Variants in CDH10 observed in about 807,000 individuals in gnomAD.
CDH10 encodes cadherin 10.
In CDH10, 30 loss-of-function variants were observed where a neutral mutation model predicts 73.1. That is an observed-to-expected ratio of 0.41 (90% confidence interval 0.31 to 0.56). CDH10 has a LOEUF of 0.56. Among genes scored for constraint, CDH10 ranks in the 20% least tolerant of loss-of-function variants. The pLI is 0.27. For missense variants in CDH10, 815 were observed against 973.7 expected, an observed-to-expected ratio of 0.84 and a Z score of 2.17; for synonymous variants, 345 against 348.2, an observed-to-expected ratio of 0.99 and a Z score of 0.10.
intron 8 of CDH10, among the ~76,000 whole-genome samples, chr5:24,499,688 G>A (rs1293213862): frequency 3.1e-4 from 45 of 147,488 alleles, no homozygotes; most frequent in Non-Finnish European, 3.1e-4. Flanking sequence ...TTCCATCTCA[G>A]AAAAAAAAAA....
rs16893511 is a variant in CDH10 at position 24,559,753 on chromosome 5, A to G, written c.232-22079T>C. The stretch of plus-strand genomic sequence containing the variant: ...TTTGAAAGAAAAGGCCAAGTTTCAT[A>G]CAAAGTAAATGTTAAAGTCTAGTTC... On this transcript the variant is annotated intron_variant, in intron 2 of 11. Coordinates refer to ENST00000264463, the MANE Select transcript of CDH10 (RefSeq NM_006727.5). 0.011 allele frequency among the ~76,000 whole-genome samples: 1,674 copies of G among 152,230 alleles called. 193 individuals carry two copies. In the East Asian group the frequency reaches 0.25, roughly 23 times the overall value.
At chr5:24,506,206 G>A (rs1742693640) in intron 7 of CDH10, among the ~76,000 whole-genome samples, 1 of 151,518 alleles carries the variant, frequency 6.6e-6, no homozygotes, top group South Asian at 2.1e-4. Context: ...ATCAAATAAA[G>A]TCTATATGCA....
At chr5:24,630,802 T>C (rs1177702523) in intron 1 of CDH10, among the ~76,000 whole-genome samples, 2 of 151,922 alleles carry the variant, frequency 1.3e-5, no homozygotes, top group African/African-American at 4.8e-5. Context: ...TAGAACAGAT[T>C]AAAAAAATTG....
rs1027249842 is a variant in CDH10 at position 24,506,820 on chromosome 5, T to C, written c.1257-1572A>G. 3.9e-5 allele frequency among the ~76,000 whole-genome samples: 6 copies of C among 152,274 alleles called. No individual in the cohort carries two copies. In the East Asian group the frequency reaches 7.7e-4, roughly 20 times the overall value. ...ATGACATAAAGTTGAAAAATATAAATCAATAAAAGCGTCTGCTGTCATGCA... is the reference window on the plus strand; with the variant it reads ...ATGACATAAAGTTGAAAAATATAAACCAATAAAAGCGTCTGCTGTCATGCA... On this transcript the variant is annotated intron_variant, in intron 7 of 11. Transcript: ENST00000264463.
intron 11 of CDH10, among the ~76,000 whole-genome samples, chr5:24,490,220 T>G (rs926688096): frequency 6.6e-6 from 1 of 152,172 alleles, no homozygotes; most frequent in East Asian, 1.9e-4. Flanking sequence ...CAAATAAATA[T>G]TTATATTATT....
chr5:24,514,859 A>G (rs2111784267), intron 5 of CDH10, among the ~76,000 whole-genome samples: 1 of 138,720 alleles, frequency 7.2e-6, no homozygotes, highest in East Asian at 2.2e-4. Flanking sequence ...AAATACAAAT[A>G]TATGGATGGT....
At chr5:24,565,657 T>C (rs556844978) in intron 2 of CDH10, among the ~76,000 whole-genome samples, 5 of 152,040 alleles carry the variant, frequency 3.3e-5, no homozygotes, top group Admixed American at 6.6e-5. Context: ...AAGGAAGTAA[T>C]TGAGGTTAAA....
At chr5:24,544,431 C>A (rs1744266581) in intron 2 of CDH10, among the ~76,000 whole-genome samples, 1 of 152,062 alleles carries the variant, frequency 6.6e-6, no homozygotes, top group African/African-American at 2.4e-5. Flanking sequence ...CTTTCGGGGA[C>A]CAGAGGCAAG....
At chr5:24,638,007 A>G (rs1747923018) in intron 1 of CDH10, among the ~76,000 whole-genome samples, 1 of 151,776 alleles carries the variant, frequency 6.6e-6, no homozygotes, top group Admixed American at 6.6e-5. Flanking sequence ...AGTCAAGATT[A>G]TGGTTGCCAT....
intron 1 of CDH10, among the ~76,000 whole-genome samples, chr5:24,621,805 A>G (rs949472213): frequency 2.7e-5 from 4 of 150,718 alleles, no homozygotes; most frequent in Admixed American, 6.6e-5. Context: ...TATATGCATT[A>G]TATACATGAT....
intron 5 of CDH10, among the ~76,000 whole-genome samples, chr5:24,530,779 T>G (rs2111857404): frequency 6.6e-6 from 1 of 152,196 alleles, no homozygotes; most frequent in Middle Eastern, 3.4e-3. Context: ...GGATTTTAGA[T>G]ATCAGTTTTA....
chr5:24,590,394 ATATAT>A (rs947374581), intron 2 of CDH10, among the ~76,000 whole-genome samples: 5 of 151,500 alleles, frequency 3.3e-5, no homozygotes, highest in Non-Finnish European at 7.4e-5. Context: ...TATATATAGT[ATATAT>A]TATGTTAGTG....
chr5:24,560,716 G>A (rs1230734538), intron 2 of CDH10, among the ~76,000 whole-genome samples: 1 of 151,990 alleles, frequency 6.6e-6, no homozygotes, highest in East Asian at 1.9e-4. Flanking sequence ...AAACTCCAGG[G>A]TTCTTTTCTC....
intron 5 of CDH10, among the ~76,000 whole-genome samples, chr5:24,520,831 A>G (rs1294819936): frequency 1.3e-5 from 2 of 152,050 alleles, no homozygotes; most frequent in East Asian, 3.9e-4. Context: ...GGTTCAAGCA[A>G]TTCTCCCATC....
intron 1 of CDH10, among the ~76,000 whole-genome samples, chr5:24,605,124 G>A (rs527415362): frequency 3.5e-4 from 53 of 152,160 alleles, no homozygotes; most frequent in East Asian, 1.2e-3. Flanking sequence ...TCATTCATCC[G>A]TATGGAACAA....
rs1742374308 is a variant in CDH10 at position 24,498,518 on chromosome 5, G to A, written c.1395C>T (p.Asn465=). ...HNLTVIAAEI[N]NPKETTRVAV... Reference sequence around the variant, plus strand: ...CCACGCGTGTTGTCTCTTTGGGATTGTCTGGAAAAGGGGAAGAAAAATATT... The same window carrying A: ...CCACGCGTGTTGTCTCTTTGGGATTATCTGGAAAAGGGGAAGAAAAATATT... Residue 465 remains asparagine (N), a splice_region_variant and synonymous_variant, in exon 9 of 12, where the codon AAC becomes AAT. Coordinates refer to ENST00000264463, the MANE Select transcript of CDH10 (RefSeq NM_006727.5). The A allele has an allele frequency of 6.3e-7, 1 of 1,596,608 alleles. No homozygotes were observed. Among genetic ancestry groups the A allele is most frequent in the Non-Finnish European group, 8.6e-7 (1 of 1,167,414 alleles).
At chr5:24,642,995 A>G (rs1748105141) in intron 1 of CDH10, among the ~76,000 whole-genome samples, 1 of 148,622 alleles carries the variant, frequency 6.7e-6, no homozygotes, top group Non-Finnish European at 1.5e-5. Flanking sequence ...AAAAAAGTGA[A>G]AGAAGTATTT....
At chr5:24,562,814 C>T (rs201972635) in intron 2 of CDH10, among the ~76,000 whole-genome samples, 43,129 of 151,732 alleles carry the variant, frequency 0.28, 6,276 homozygotes, top group Admixed American at 0.31. Context: ...AAAAAAATAC[C>T]TTTTTTTAAA....
chr5:24,593,455 G>A lies in CDH10; in HGVS notation c.36C>T (p.Phe12=), dbSNP rs1205792019. ...TIHQFLLLFL[F]WVCLPHFCSP... is the part of the protein sequence containing the mutation. ...AGCAGAAATGTGGCAGGCATACCCA[G>A]AATAGAAACAGTAGCAAAAATTGAT... Residue 12 remains phenylalanine (F), a synonymous_variant, in exon 2 of 12, where the codon TTC becomes TTT. Transcript: ENST00000264463. The A allele has an allele frequency of 1.2e-6, 2 of 1,609,358 alleles. No homozygotes were observed. The highest frequency in any genetic ancestry group is 1.7e-6 in the Non-Finnish European group (2 of 1,176,004).
Sources: gnomAD v4.1 joint callset for allele counts (sites outside exome capture counted in the v4.1 genomes callset) on GRCh38, gnomAD v4.1.1 for gene constraint, MANE v1.5 for transcripts, NCBI Gene and HGNC (gene_info 2026-07-23, HGNC 2026-07-21) for gene names.